Variants in HSH2D observed in about 807,000 individuals in gnomAD.
HSH2D encodes hematopoietic SH2 domain containing.
HSH2D carries 16 observed loss-of-function variants against 21.5 expected under a neutral mutation model. That is an observed-to-expected ratio of 0.74 (90% confidence interval 0.50 to 1.13). HSH2D has a LOEUF of 1.13. HSH2D is among the 50% of genes most tolerant of loss of function. The pLI, the probability that HSH2D is intolerant of heterozygous loss-of-function variation, is 0.00. For synonymous variants in HSH2D, 172 were observed against 184.7 expected (o/e 0.93, Z 0.56); for missense variants, 418 against 441.4 (o/e 0.95, Z 0.47).
chr19:16,157,418 T>C lies in HSH2D; in HGVS notation c.683T>C (p.Val228Ala). 6.2e-7 allele frequency: 1 copy of C among 1,613,820 alleles called. No homozygotes were observed. Among genetic ancestry groups the C allele is most frequent in the Non-Finnish European group, 8.5e-7 (1 of 1,179,848 alleles). Residue 228 changes from valine to alanine, a missense_variant, in exon 6 of 6, where the codon GTG (valine) becomes GCG (alanine). Physicochemically the swap from Val to Ala is moderately conservative, Grantham distance 64. Transcript: ENST00000613986. This position sits in a 1 kb window ranked among gnomAD's most constrained non-coding sequence, Gnocchi z 4.4. ...RQQLKSHLAT[V>A]NLSSLLDVRR... ...CAGCTAAAAAGCCACCTCGCCACTG[T>C]GAACTTGTCGTCACTCTTGGATGTC...
chr19:16,152,093 G>C (rs1293519735), intron 2 of HSH2D, among the ~76,000 whole-genome samples: 5 of 122,256 alleles, frequency 4.1e-5, no homozygotes, highest in Admixed American at 9.8e-5. Context: ...GAGACAGAGC[G>C]AGACTCTGTC....
chr19:16,154,746 C>G (rs2091216352), intron 5 of HSH2D: 1 of 335,794 alleles, frequency 3.0e-6, no homozygotes, highest in South Asian at 3.2e-5. Flanking sequence ...CCAAGCTAGC[C>G]TCGGGGTCTC....
intron 3 of HSH2D, 188 bp downstream of exon 3, chr19:16,152,829 G>A (rs1256121736): frequency 1.3e-6 from 1 of 767,446 alleles, no homozygotes; most frequent in South Asian, 1.5e-5. Context: ...TTTATCTGAG[G>A]CCAGCCTTTG....
chr19:16,152,169 G>C (rs2091166533), intron 2 of HSH2D, among the ~76,000 whole-genome samples: 1 of 149,042 alleles, frequency 6.7e-6, no homozygotes, highest in Non-Finnish European at 1.5e-5. Context: ...TATAATCCCA[G>C]CACTTTGGGA....
At chr19:16,145,890 A>G (rs1489803881) in intron 1 of HSH2D, among the ~76,000 whole-genome samples, 1 of 152,126 alleles carries the variant, frequency 6.6e-6, no homozygotes, top group African/African-American at 2.4e-5. Flanking sequence ...AGCCTGGCCA[A>G]CATGGTGAAA....
upstream of HSH2D, among the ~76,000 whole-genome samples, chr19:16,140,862 G>C (rs1421426163): frequency 6.6e-6 from 1 of 152,078 alleles, no homozygotes; most frequent in Non-Finnish European, 1.5e-5. Flanking sequence ...ACTCCAGCCT[G>C]GGCAACAGAG....
chr19:16,143,303 C>G (rs1417976402), upstream of HSH2D, among the ~76,000 whole-genome samples: 2 of 152,142 alleles, frequency 1.3e-5, no homozygotes, highest in African/African-American at 4.8e-5. Flanking sequence ...AGGCTGGTCT[C>G]AAACTCCTGA....
At chr19:16,155,018 C>G (rs2091219702) in intron 5 of HSH2D, among the ~76,000 whole-genome samples, 1 of 152,194 alleles carries the variant, frequency 6.6e-6, no homozygotes, top group African/African-American at 2.4e-5. Context: ...CTCTGAGAGA[C>G]TGGAGACTCC....
Position 16,157,949 on chromosome 19 carries a change from C to G in HSH2D, c.*155C>G. On this transcript the variant is annotated 3_prime_UTR_variant, in exon 6 of 6. Coordinates refer to ENST00000613986, the MANE Select transcript of HSH2D (RefSeq NM_001382417.1). This position sits in a 1 kb window ranked among gnomAD's most constrained non-coding sequence, Gnocchi z 4.4. The stretch of plus-strand genomic sequence containing the variant: ...GATGTTTTTGGGGTCTGTTCCTGCA[C>G]TCACCCATGGGGTGAGCTGGTTATT... The G allele has an allele frequency of 4.9e-6, 3 of 608,096 alleles. No individual in the cohort carries two copies. Among genetic ancestry groups the G allele is most frequent in the Non-Finnish European group, 8.7e-6 (3 of 346,678 alleles). The allele number at this position is 608,096 out of a possible 1,614,324, so 37.7% of individuals were successfully genotyped here.
intron 5 of HSH2D, among the ~76,000 whole-genome samples, chr19:16,155,333 T>A (rs990343934): frequency 6.6e-6 from 1 of 151,896 alleles, no homozygotes; most frequent in Admixed American, 6.6e-5. Flanking sequence ...ATAGCTGAGA[T>A]CTGCAAGGTG....
At chr19:16,151,498 A>T (rs1228319759) in intron 2 of HSH2D, 1 of 455,734 alleles carries the variant, frequency 2.2e-6, no homozygotes, top group East Asian at 7.0e-5. Flanking sequence ...AAGGTCAGAA[A>T]GGGAGAGACG....
chr19:16,136,220 C>T (rs1475677541), intron 1 of HSH2D, among the ~76,000 whole-genome samples: 2 of 152,210 alleles, frequency 1.3e-5, no homozygotes, highest in Non-Finnish European at 2.9e-5. Context: ...CCACGGATGC[C>T]TGATAAATGG....
intron 1 of HSH2D, among the ~76,000 whole-genome samples, chr19:16,135,605 TCACTC>T (rs1217209031): frequency 6.6e-6 from 1 of 152,090 alleles, no homozygotes; most frequent in African/African-American, 2.4e-5. Flanking sequence ...CCTTACTCCT[TCACTC>T]CACACTCATC....
exon 1 of HSH2D, chr19:16,134,177 C>G (rs2090943722): frequency 6.6e-6 from 1 of 152,340 alleles, no homozygotes; most frequent in South Asian, 2.1e-4. Flanking sequence ...CCAGAATCCT[C>G]TCACAGTGGG....
At chr19:16,156,224 C>T (rs947904910) in intron 5 of HSH2D, among the ~76,000 whole-genome samples, 1 of 152,004 alleles carries the variant, frequency 6.6e-6, no homozygotes, top group African/African-American at 2.4e-5. Flanking sequence ...TGGTGGCGCA[C>T]GCCTGTAGTC....
chr19:16,155,853 A>G, intron 5 of HSH2D: 1 of 152,642 alleles, frequency 6.6e-6, no homozygotes, highest in East Asian at 1.9e-4. Context: ...TGATCCGCTC[A>G]CCTCGGCCTC....
chr19:16,142,770 T>TTTG (rs1568327097), upstream of HSH2D, among the ~76,000 whole-genome samples: 1 of 140,462 alleles, frequency 7.1e-6, no homozygotes. Context: ...GCTGGTGTTT[T>TTTG]TTTGTTTGTT....
chr19:16,139,492 G>A (rs955918880), upstream of HSH2D, among the ~76,000 whole-genome samples: 2 of 152,182 alleles, frequency 1.3e-5, no homozygotes, highest in Admixed American at 6.5e-5. Flanking sequence ...TGAGGCGGGA[G>A]GATCACTTGA....
rs574007211 is a variant in HSH2D at position 16,138,600 on chromosome 19, G to A, written c.-323-3341G>A. ...AGCCTCCCGAGTAGCTGGGACTACAGGCGTGCGCCACCATGCCCAGCTAAT... is the reference window on the plus strand; with the variant it reads ...AGCCTCCCGAGTAGCTGGGACTACAAGCGTGCGCCACCATGCCCAGCTAAT... On this transcript the variant is annotated intron_variant, in intron 1 of 7. Coordinates refer to the HSH2D transcript ENST00000616645. Among the ~76,000 whole-genome samples the A allele has an allele frequency of 1.8e-3, 269 of 152,124 alleles. 2 individuals carry two copies. The highest frequency in any genetic ancestry group is 2.7e-3 in the South Asian group (13 of 4,802).
Sources: gnomAD v4.1 joint callset for allele counts (sites outside exome capture counted in the v4.1 genomes callset) on GRCh38, gnomAD v4.1.1 for gene constraint, Gnocchi (gnomAD v3.1) non-coding constraint, MANE v1.5 for transcripts, NCBI Gene and HGNC (gene_info 2026-07-23, HGNC 2026-07-21) for gene names.